Variants in TAPT1 observed in about 807,000 individuals in gnomAD.
TAPT1 encodes transmembrane anterior posterior transformation protein 1 homolog.
In TAPT1, 28 loss-of-function variants were observed where a neutral mutation model predicts 65.6. The observed-to-expected ratio is 0.43, with a 90% CI of 0.32 to 0.59. TAPT1 has a LOEUF of 0.59. Among genes scored for constraint, TAPT1 ranks in the 20% least tolerant of loss-of-function variants. TAPT1 has a pLI of 0.09. For synonymous variants in TAPT1, 278 were observed against 245.2 expected (o/e 1.13, Z -1.25); for missense variants, 563 against 679.9 (o/e 0.83, Z 1.91).
chr4:16,172,356 C>CA lies in TAPT1; in HGVS notation c.1237-1628dup, dbSNP rs74272258. Among the ~76,000 whole-genome samples, 1,290 of 134,852 alleles carry CA rather than the reference C, an allele frequency of 9.6e-3. 7 individuals are homozygous for CA. The highest frequency in any genetic ancestry group is 0.029 in the African/African-American group (1,059 of 36,896). 88.5% of individuals were successfully genotyped at this position (134,852 alleles called of 152,430 possible). On this transcript the variant is annotated intron_variant, in intron 11 of 13. Coordinates refer to ENST00000405303, the MANE Select transcript of TAPT1 (RefSeq NM_153365.3). The stretch of plus-strand genomic sequence containing the variant: ...AATCCAACCATCTGACCAATCCTTA[C>CA]AAAAAAAAAAAAATTCAGGCCTTGT...
At chr4:16,210,357 C>T (rs1376964853) in intron 2 of TAPT1, among the ~76,000 whole-genome samples, 1 of 152,196 alleles carries the variant, frequency 6.6e-6, no homozygotes, top group Non-Finnish European at 1.5e-5. Flanking sequence ...CTAAAAACCA[C>T]ACCTCTCCCA....
chr4:16,162,712 T>A lies in TAPT1; in HGVS notation c.*596A>T, dbSNP rs1355696082. Reference sequence around the variant, plus strand: ...AAATAAACTAGTTTAGCATTTTTTTTTAACCCTACAAAATGCTACTATTCA... The same window carrying A: ...AAATAAACTAGTTTAGCATTTTTTTATAACCCTACAAAATGCTACTATTCA... On this transcript the variant is annotated 3_prime_UTR_variant, in exon 14 of 14. Coordinates refer to ENST00000405303, the MANE Select transcript of TAPT1 (RefSeq NM_153365.3). 6.2e-6 allele frequency: 1 copy of A among 160,316 alleles called. No individual in the cohort carries two copies. The highest frequency in any genetic ancestry group is 2.4e-5 in the African/African-American group (1 of 41,474). The allele number at this position is 160,316 out of a possible 1,614,324, so 9.9% of individuals were successfully genotyped here. A position where few individuals can be genotyped will look rare whatever the true frequency, so the allele number is the denominator to read the frequency against.
At chr4:16,213,922 A>T in intron 1 of TAPT1, 24 bp from the exon 2 acceptor site, 1 of 1,576,304 alleles carries the variant, frequency 6.3e-7, no homozygotes, top group African/African-American at 1.4e-5. Flanking sequence ...AATGACAGAA[A>T]ACAAAAAGAA....
At chr4:16,179,231 T>G (rs1262186912) in intron 8 of TAPT1, among the ~76,000 whole-genome samples, 5 of 152,216 alleles carry the variant, frequency 3.3e-5, no homozygotes, top group Admixed American at 1.3e-4. Flanking sequence ...CTATTGCTCC[T>G]AGGCTACAAA....
chr4:16,197,197 G>C (rs1041319735), intron 3 of TAPT1, among the ~76,000 whole-genome samples: 1 of 152,116 alleles, frequency 6.6e-6, no homozygotes, highest in African/African-American at 2.4e-5. Context: ...CTTCAACCAA[G>C]AAAAATAAAA....
chr4:16,216,321 A>G (rs1392866071), intron 1 of TAPT1, among the ~76,000 whole-genome samples: 1 of 152,054 alleles, frequency 6.6e-6, no homozygotes, highest in African/African-American at 2.4e-5. Flanking sequence ...GTATTCTCCA[A>G]TATGTCCTCA....
chr4:16,191,336 T>C (rs1287767969), intron 4 of TAPT1, 25 bp downstream of exon 4: 3 of 1,583,566 alleles, frequency 1.9e-6, no homozygotes, highest in Admixed American at 3.6e-5. Context: ...TGGCCAGGCC[T>C]GTGCGGGGTA....
chr4:16,170,848 T>C, intron 11 of TAPT1, 119 bp from the exon 12 acceptor site: 2 of 687,954 alleles, frequency 2.9e-6, no homozygotes, highest in East Asian at 5.5e-5. Flanking sequence ...GGCATATATC[T>C]ATGGCCTTTG....
rs1352344645 is a variant in TAPT1 at position 16,160,659 on chromosome 4, C to T, written c.*2649G>A. On this transcript the variant is annotated 3_prime_UTR_variant, in exon 14 of 14. Transcript: ENST00000405303. ...CTTATCTTGCTCATTGCTGATCCCA[C>T]CACTTAGAACAGTTTCTGACACATA... 1 of 152,166 alleles carries T rather than the reference C, an allele frequency of 6.6e-6. No homozygotes were observed. Among genetic ancestry groups the T allele is most frequent in the Non-Finnish European group, 1.5e-5 (1 of 68,036 alleles). 9.4% of individuals were successfully genotyped at this position (152,166 alleles called of 1,614,324 possible).
At chr4:16,222,442 T>C (rs1463316214) in intron 1 of TAPT1, among the ~76,000 whole-genome samples, 1 of 152,248 alleles carries the variant, frequency 6.6e-6, no homozygotes, top group Non-Finnish European at 1.5e-5. Context: ...TTTTTATTTT[T>C]CTTTGTGAAC....
chr4:16,179,845 A>ATATATAATGT (rs1748607515), intron 7 of TAPT1, among the ~76,000 whole-genome samples, 188 bp from the exon 8 acceptor site: 1 of 147,656 alleles, frequency 6.8e-6, no homozygotes, highest in South Asian at 2.1e-4. Context: ...GGCTGGTGCT[A>ATATATAATGT]CCATGGTAAG....
chr4:16,168,364 C>T (rs933239679), intron 12 of TAPT1, among the ~76,000 whole-genome samples: 3 of 152,216 alleles, frequency 2.0e-5, no homozygotes, highest in African/African-American at 7.2e-5. Context: ...CCCACCCAGC[C>T]TGCCAAAGTC....
At chr4:16,178,118 C>A (rs16893144) in intron 8 of TAPT1, among the ~76,000 whole-genome samples, 26,038 of 152,124 alleles carry the variant, frequency 0.17, 2,685 homozygotes, top group East Asian at 0.3. Flanking sequence ...ACCCCCTCTG[C>A]CCTTCATGGA....
At chr4:16,199,572 G>GT (rs911114886) in intron 3 of TAPT1, among the ~76,000 whole-genome samples, 5 of 152,048 alleles carry the variant, frequency 3.3e-5, no homozygotes, top group Admixed American at 2.0e-4. Context: ...ACATCTTTTA[G>GT]TTTTTAGAAC....
chr4:16,174,810 ACATTT>A, intron 9 of TAPT1, 81 bp from the exon 10 acceptor site: 1 of 988,120 alleles, frequency 1.0e-6, no homozygotes, highest in Non-Finnish European at 1.4e-6. Context: ...ATTAATAAAA[ACATTT>A]AATAATTAAC....
chr4:16,182,870 A>T (rs978125435), intron 7 of TAPT1: 1 of 152,222 alleles, frequency 6.6e-6, no homozygotes, highest in Non-Finnish European at 1.5e-5. Flanking sequence ...AAGAAAATAT[A>T]CAGTGAGCTA....
intron 1 of TAPT1, among the ~76,000 whole-genome samples, chr4:16,222,313 T>C (rs901776808): frequency 6.6e-6 from 1 of 152,366 alleles, no homozygotes; most frequent in South Asian, 2.1e-4. Flanking sequence ...TTGGTCTATA[T>C]ATACTAATTA....
chr4:16,165,880 C>A (rs924628720), intron 13 of TAPT1, among the ~76,000 whole-genome samples: 5 of 152,172 alleles, frequency 3.3e-5, no homozygotes, highest in African/African-American at 1.2e-4. Context: ...TCTGGGCCCA[C>A]CCCTCTGGAG....
At chr4:16,210,198 AG>A (rs1320090486) in intron 2 of TAPT1, among the ~76,000 whole-genome samples, 2 of 152,192 alleles carry the variant, frequency 1.3e-5, no homozygotes, top group African/African-American at 4.8e-5. Context: ...CTTTCCCTAG[AG>A]GTTTTTTCTG....
Sources: gnomAD v4.1 joint callset for allele counts (sites outside exome capture counted in the v4.1 genomes callset) on GRCh38, gnomAD v4.1.1 for gene constraint, MANE v1.5 for transcripts, NCBI Gene and HGNC (gene_info 2026-07-23, HGNC 2026-07-21) for gene names.